Variants in SYN2 observed in about 807,000 individuals in gnomAD.
SYN2 encodes synapsin II, also known as synapsin-2.
A neutral mutation model predicts 50.9 loss-of-function variants in SYN2; 19 were observed. That is an observed-to-expected ratio of 0.37 (90% CI 0.26 to 0.55). SYN2 has a LOEUF of 0.55. SYN2 is among the 20% of genes least tolerant of loss of function. The pLI is 0.81. For synonymous variants in SYN2, 255 were observed against 224.9 expected (o/e 1.13, Z -1.20); for missense variants, 587 against 576.4 (o/e 1.02, Z -0.19).
intron 1 of SYN2, among the ~76,000 whole-genome samples, chr3:12,105,228 A>G (rs1229048035): frequency 6.6e-6 from 1 of 152,086 alleles, no homozygotes; most frequent in Non-Finnish European, 1.5e-5. Context: ...TAGTCACTGG[A>G]GTAGGAGGAA....
intron 12 of SYN2, among the ~76,000 whole-genome samples, chr3:12,188,971 T>TA (rs1426174014): frequency 6.6e-6 from 1 of 152,240 alleles, no homozygotes; most frequent in Non-Finnish European, 1.5e-5. Flanking sequence ...TCATCCCCAG[T>TA]ACTCTGCCTG....
intron 1 of SYN2, among the ~76,000 whole-genome samples, chr3:12,038,333 G>C (rs986467382): frequency 1.3e-5 from 2 of 151,978 alleles, no homozygotes; most frequent in Non-Finnish European, 2.9e-5. Context: ...TTTGTAGCAA[G>C]TTTTGAAATT....
intron 10 of SYN2, among the ~76,000 whole-genome samples, chr3:12,172,971 A>G (rs1156868876): frequency 6.6e-6 from 1 of 152,240 alleles, no homozygotes; most frequent in Non-Finnish European, 1.5e-5. Context: ...ATTGACTAAC[A>G]TGGAAATGCA....
intron 1 of SYN2, among the ~76,000 whole-genome samples, chr3:12,026,716 C>G (rs1021440053): frequency 6.6e-6 from 1 of 152,136 alleles, no homozygotes; most frequent in African/African-American, 2.4e-5. Flanking sequence ...GGAGACGTGG[C>G]TGGGAGGATC....
intron 1 of SYN2, among the ~76,000 whole-genome samples, chr3:12,090,746 G>A (rs993800539): frequency 3.9e-5 from 6 of 152,072 alleles, no homozygotes; most frequent in Non-Finnish European, 8.8e-5. Flanking sequence ...AATTGATGTC[G>A]TGATGCTTTA....
chr3:12,038,370 T>TG (rs977576221), intron 1 of SYN2, among the ~76,000 whole-genome samples: 3 of 152,124 alleles, frequency 2.0e-5, no homozygotes, highest in African/African-American at 7.2e-5. Context: ...CTAACTTTGT[T>TG]GTTTTTTAAA....
At chr3:12,187,227 A>G in intron 11 of SYN2, 142 bp from the exon 12 acceptor site, 1 of 1,201,958 alleles carries the variant, frequency 8.3e-7, no homozygotes, top group Non-Finnish European at 1.1e-6. Flanking sequence ...GACCCCCTTT[A>G]GGGCCCTTCA....
chr3:12,113,169 G>A (rs1696360752), intron 1 of SYN2, among the ~76,000 whole-genome samples: 6 of 152,144 alleles, frequency 3.9e-5, no homozygotes, highest in Admixed American at 3.9e-4. Flanking sequence ...GTCCAGATCA[G>A]CATCCTAGTT....
At chr3:12,158,247 G>T (rs1174433617) in intron 5 of SYN2, among the ~76,000 whole-genome samples, 10 of 152,164 alleles carry the variant, frequency 6.6e-5, no homozygotes. Context: ...GTGAGGGAGG[G>T]CATTCCAGGC....
chr3:12,117,441 A>G (rs920137442), intron 1 of SYN2, among the ~76,000 whole-genome samples: 2 of 152,218 alleles, frequency 1.3e-5, no homozygotes, highest in African/African-American at 4.8e-5. Context: ...AATCCTTAGA[A>G]GAAATATCCT....
At chr3:12,031,956 A>T (rs2125142856) in intron 1 of SYN2, among the ~76,000 whole-genome samples, 1 of 146,538 alleles carries the variant, frequency 6.8e-6, no homozygotes, top group African/African-American at 2.5e-5. Context: ...TCGTTAGTTG[A>T]TGCAGTTTCT....
intron 1 of SYN2, among the ~76,000 whole-genome samples, chr3:12,047,215 T>C (rs1694759164): frequency 6.6e-6 from 1 of 152,116 alleles, no homozygotes; most frequent in Non-Finnish European, 1.5e-5. Flanking sequence ...CTCACAGGTG[T>C]TTTTGGTCTT....
intron 1 of SYN2, among the ~76,000 whole-genome samples, chr3:12,097,959 C>T (rs973612188): frequency 2.0e-5 from 3 of 151,974 alleles, no homozygotes; most frequent in Non-Finnish European, 4.4e-5. Context: ...ACATATGTAA[C>T]AAACCGGCAT....
intron 1 of SYN2, among the ~76,000 whole-genome samples, chr3:12,077,722 G>T (rs939113479): frequency 6.6e-5 from 10 of 152,136 alleles, no homozygotes; most frequent in African/African-American, 2.4e-4. Flanking sequence ...GTCTATCCTT[G>T]ATGGGCATTT....
chr3:12,034,777 A>G (rs1260613935), intron 1 of SYN2, among the ~76,000 whole-genome samples: 1 of 152,206 alleles, frequency 6.6e-6, no homozygotes, highest in Non-Finnish European at 1.5e-5. Flanking sequence ...TGCATTGGGG[A>G]TTAAGTTTCC....
At chr3:12,136,578 G>T (rs923459452) in intron 1 of SYN2, among the ~76,000 whole-genome samples, 1 of 152,198 alleles carries the variant, frequency 6.6e-6, no homozygotes, top group Non-Finnish European at 1.5e-5. Context: ...GCCAAGTTTT[G>T]TGGGGGCGTT....
chr3:12,126,350 G>C (rs933077878), intron 1 of SYN2, among the ~76,000 whole-genome samples: 5 of 152,154 alleles, frequency 3.3e-5, no homozygotes, highest in Non-Finnish European at 7.3e-5. Flanking sequence ...TGTATTATAC[G>C]ATAACTGCAC....
At chr3:12,026,426 G>C (rs1350335320) in intron 1 of SYN2, among the ~76,000 whole-genome samples, 2 of 151,908 alleles carry the variant, frequency 1.3e-5, no homozygotes, top group Non-Finnish European at 1.5e-5. Context: ...TATATACAAG[G>C]CCTTCATGCT....
At chr3:12,082,816 A>G (rs1157983210) in intron 1 of SYN2, among the ~76,000 whole-genome samples, 4 of 152,114 alleles carry the variant, frequency 2.6e-5, no homozygotes, top group Non-Finnish European at 2.9e-5. Context: ...GTTTTGATGT[A>G]GTGTTGTCAC....
Sources: gnomAD v4.1 joint callset for allele counts (sites outside exome capture counted in the v4.1 genomes callset) on GRCh38, gnomAD v4.1.1 for gene constraint, MANE v1.5 for transcripts, NCBI Gene and HGNC (gene_info 2026-07-23, HGNC 2026-07-21) for gene names.